MUC17: variants seen among roughly 807,000 people sequenced by gnomAD.
MUC17 encodes mucin 17, cell surface associated.
In MUC17, 190 loss-of-function variants were observed where a neutral mutation model predicts 170.3. The ratio of observed to expected loss-of-function variants is 1.12; its 90% CI spans 0.99 to 1.26. The LOEUF (loss-of-function observed/expected upper bound fraction) is 1.26. Ranked by LOEUF, MUC17 falls within the 50% of genes most tolerant of loss-of-function variation. The pLI is 0.00. For synonymous variants in MUC17, 2,325 were observed against 2,002.5 expected, an observed-to-expected ratio of 1.16 and a Z score of -4.30; for missense variants, 6,415 against 5,530.0, an observed-to-expected ratio of 1.16 and a Z score of -5.08.
chr7:101,036,333 C>T lies in MUC17; in HGVS notation c.4917C>T (p.Ser1639=). 6.2e-7 allele frequency: 1 copy of T among 1,613,976 alleles called. No homozygotes were observed. Among genetic ancestry groups the T allele is most frequent in the African/African-American group, 1.3e-5 (1 of 75,010 alleles). Residue 1639 remains serine, a synonymous_variant, in exon 3 of 13, where the codon AGC becomes AGT. Transcript: ENST00000306151. ...CTCTATTAACAAGTATACCTGTCAGCACCACGCCGGTGGCCAGTCCTGAGG... is the reference window on the plus strand; with the variant it reads ...CTCTATTAACAAGTATACCTGTCAGTACCACGCCGGTGGCCAGTCCTGAGG... The part of the protein sequence containing the change: ...GSPLLTSIPV[S]TTPVASPEAS...
rs150107183 is a variant in MUC17, at chr7:101,040,586, C to T, written c.9170C>T (p.Pro3057Leu). 6.0e-5 allele frequency: 96 copies of T among 1,612,262 alleles called. No homozygotes were observed. The African/African-American group carries it at 1.2e-3, about 20-fold the overall frequency. The change falls in exon 3 of 13, where the codon CCA (proline) becomes CTA (leucine). Residue 3057 changes from proline to leucine, a missense_variant. By Grantham distance (98) the Pro-to-Leu change is moderately conservative (BLOSUM62 -3). Coordinates refer to ENST00000306151, the MANE Select transcript of MUC17 (RefSeq NM_001040105.2). ...PLTSIPVSTT[P>L]VAIPEASTLS... ...ACAAGTATACCTGTCAGCACCACGCCAGTGGCCATTCCTGAGGCTAGCACC... is the reference window on the plus strand; with the variant it reads ...ACAAGTATACCTGTCAGCACCACGCTAGTGGCCATTCCTGAGGCTAGCACC...
At position 101,037,846 on chromosome 7, in the gene MUC17, A is replaced by G. The variant is rs779358189; in HGVS notation, c.6430A>G (p.Ile2144Val). 3.1e-6 allele frequency: 5 copies of G among 1,613,778 alleles called. No homozygotes were observed. The highest frequency in any genetic ancestry group is 4.2e-6 in the Non-Finnish European group (5 of 1,179,890). ...ITSTEVSSSP[I>V]PTEGTSMQTS... ...TTCTACTGAAGTCAGTTCATCTCCT[A>G]TACCTACTGAAGGTACCAGCATGCA... is the stretch of plus-strand genomic sequence containing the variant. Residue 2144 changes from isoleucine to valine, a missense_variant, in exon 3 of 13, where the codon ATA (isoleucine) becomes GTA (valine). Physicochemically the swap from Ile to Val is conservative, Grantham distance 29. Transcript: ENST00000306151.
rs1479989969 is a variant in MUC17, at chr7:101,038,342, C to T, written c.6926C>T (p.Pro2309Leu). ...ACAACTCCTGTTGACTCCAACACTC[C>T]TTTCACTACTTCTACTGAAGCCAGT... ...LSTTPVDSNT[P>L]FTTSTEASSP... The change falls in exon 3 of 13, where the codon CCT becomes CTT. Residue 2309 changes from proline to leucine, a missense_variant. By Grantham distance (98) the Pro-to-Leu change is moderately conservative (BLOSUM62 -3). Transcript: ENST00000306151. 9 of 1,613,738 alleles carry T rather than the reference C, an allele frequency of 5.6e-6. No homozygotes were observed. The highest frequency in any genetic ancestry group is 7.6e-6 in the Non-Finnish European group (9 of 1,179,918).
intron 5 of MUC17, 118 bp downstream of exon 5, chr7:101,049,090 C>A: frequency 6.7e-7 from 1 of 1,500,426 alleles, no homozygotes; most frequent in Non-Finnish European, 9.1e-7. Flanking sequence ...TCTCTCAGGC[C>A]CCCACGTCCT....
chr7:101,055,476 G>T (rs1260231974), intron 11 of MUC17, among the ~76,000 whole-genome samples: 1 of 152,200 alleles, frequency 6.6e-6, no homozygotes, highest in East Asian at 1.9e-4. Context: ...TACTCTGTTA[G>T]ACACAAGTTT....
Position 101,036,803 on chromosome 7 carries a change from C to G in MUC17, c.5387C>G (p.Thr1796Ser), listed in dbSNP as rs145455751. Reference protein sequence around the residue: ...ATSSPTTAEGTSIPTSTLSEG... With the variant: ...ATSSPTTAEGSSIPTSTLSEG... ...TCGTCTCCTACAACTGCTGAAGGTA[C>G]CAGCATACCAACCTCGACTCTTAGT... is the stretch of plus-strand genomic sequence containing the variant. The change falls in exon 3 of 13, where the codon ACC becomes AGC. Residue 1796 changes from threonine to serine, a missense_variant. Thr to Ser is a moderately conservative substitution (Grantham distance 58, BLOSUM62 1). Coordinates refer to ENST00000306151, the MANE Select transcript of MUC17 (RefSeq NM_001040105.2). 1 of 1,605,538 alleles carries G rather than the reference C, an allele frequency of 6.2e-7. No individual in the cohort carries two copies. Among genetic ancestry groups the G allele is most frequent in the South Asian group, 1.1e-5 (1 of 89,702 alleles).
At chr7:101,047,541 G>A (rs1276477574) in intron 3 of MUC17, among the ~76,000 whole-genome samples, 3 of 152,044 alleles carry the variant, frequency 2.0e-5, no homozygotes, top group African/African-American at 7.2e-5. Context: ...ATATTAGGCA[G>A]TGTCGGAGCC....
rs780123615 is a variant in MUC17 at position 101,041,446 on chromosome 7, AAT to A, written c.10033_10034del (p.Met3345ValfsTer11). 23 of 1,613,750 alleles carry A rather than the reference AAT, an allele frequency of 1.4e-5. No homozygotes were observed. The South Asian group carries it at 2.5e-4, about 18-fold the overall frequency. ...TAGTGAAGGAAGCACTCCACTAACA[AAT>A]ATGTCTTTCAGCACCACGCCAGTGG... ...TYSEGSTPLT[N>X]MSFSTTPVVS... On this transcript the variant is annotated frameshift_variant, in exon 3 of 13. Coordinates refer to ENST00000306151, the MANE Select transcript of MUC17 (RefSeq NM_001040105.2). LOFTEE classifies it high-confidence loss of function.
chr7:101,027,102 G>A (rs992993236), intron 1 of MUC17, among the ~76,000 whole-genome samples: 3 of 152,108 alleles, frequency 2.0e-5, no homozygotes, highest in Non-Finnish European at 4.4e-5. Flanking sequence ...GCCGAGGCTG[G>A]AGGATCACTT....
chr7:101,023,104 G>A (rs28521031), intron 1 of MUC17, among the ~76,000 whole-genome samples: 2,217 of 152,210 alleles, frequency 0.015, 46 homozygotes, highest in African/African-American at 0.049. Flanking sequence ...TCCTGGTTGC[G>A]GGTGGTTGGT....
At chr7:101,029,230 T>A (rs1456958249) in intron 1 of MUC17, among the ~76,000 whole-genome samples, 1 of 145,454 alleles carries the variant, frequency 6.9e-6, no homozygotes, top group African/African-American at 2.5e-5. Flanking sequence ...GTGGCAGGTG[T>A]CTGTAATCCC....
chr7:101,030,993 A>G, intron 1 of MUC17, 127 bp from the exon 2 acceptor site: 3 of 1,190,126 alleles, frequency 2.5e-6, no homozygotes, highest in Non-Finnish European at 3.4e-6. Flanking sequence ...GCTGATTTCT[A>G]ACTAAAATCA....
In MUC17 at chr7:101,039,778, G is replaced by C; in HGVS notation, c.8362G>C (p.Ala2788Pro). The C allele has an allele frequency of 6.2e-7, 1 of 1,608,782 alleles. No homozygotes were observed. Among genetic ancestry groups the C allele is most frequent in the Non-Finnish European group, 8.5e-7 (1 of 1,176,942 alleles). Residue 2788 changes from alanine to proline, a missense_variant, in exon 3 of 13, where the codon GCC becomes CCC. Transcript: ENST00000306151. ...CATACCTGTCACCACTTCTACTGAA[G>C]CCAGTTCCTCTCCTACAACTGCTGA... ...TSIPVTTSTE[A>P]SSSPTTAEVT...
At position 101,031,677 on chromosome 7, in the gene MUC17, C is replaced by G. The variant is rs748372680; in HGVS notation, c.261C>G (p.Thr87=). 6.3e-7 allele frequency: 1 copy of G among 1,593,670 alleles called. No homozygotes were observed. The highest frequency in any genetic ancestry group is 8.6e-7 in the Non-Finnish European group (1 of 1,168,896). ...VEPRMYLSCS[T]NPEMTSIESS... ...CAAGAATGTATTTGAGTTGCAGCAC[C>G]AACCCTGAGATGACCTCGATTGAGT... The change falls in exon 3 of 13, where the codon ACC becomes ACG. Residue 87 remains threonine (T), a synonymous_variant. Coordinates refer to ENST00000306151, the MANE Select transcript of MUC17 (RefSeq NM_001040105.2).
chr7:101,035,489 C>T lies in MUC17; in HGVS notation c.4073C>T (p.Ser1358Leu). Residue 1358 changes from serine (S) to leucine (L), a missense_variant, in exon 3 of 13, where the codon TCA (serine) becomes TTA (leucine). Ser to Leu is a moderately radical substitution (Grantham distance 145). Transcript: ENST00000306151. The part of the protein sequence containing the change: ...LVASSAISIL[S>L]TTPVDNSTPV... ...GCCAGTTCTGCAATCAGCATCCTTT[C>T]AACAACTCCTGTTGACAACAGCACA... 6.2e-7 allele frequency: 1 copy of T among 1,602,342 alleles called. No individual in the cohort carries two copies. The highest frequency in any genetic ancestry group is 8.5e-7 in the Non-Finnish European group (1 of 1,172,588).
In MUC17 at chr7:101,032,662, A is replaced by G. The variant is rs1794324140; in HGVS notation, c.1246A>G (p.Ile416Val). ...TTCTGAGGCTAGCACCACTTCAACA[A>G]TTCCTGTTGACTCCAAAACTTTTGT... Reference protein sequence around the residue: ...ASSEASTTSTIPVDSKTFVTT... With the variant: ...ASSEASTTSTVPVDSKTFVTT... The change falls in exon 3 of 13, where the codon ATT (isoleucine) becomes GTT (valine). Residue 416 changes from isoleucine (I) to valine (V), a missense_variant. Transcript: ENST00000306151. The G allele has an allele frequency of 6.4e-7, 1 of 1,573,744 alleles. No individual in the cohort carries two copies. Among genetic ancestry groups the G allele is most frequent in the Admixed American group, 1.7e-5 (1 of 57,564 alleles).
Position 101,033,479 on chromosome 7 carries a change from C to G in MUC17, c.2063C>G (p.Thr688Ser), listed in dbSNP as rs1337119504. 1.2e-6 allele frequency: 2 copies of G among 1,613,804 alleles called. No individual in the cohort carries two copies. The highest frequency in any genetic ancestry group is 1.7e-6 in the Non-Finnish European group (2 of 1,179,888). The change falls in exon 3 of 13, where the codon ACT becomes AGT. Residue 688 changes from threonine (T) to serine (S), a missense_variant. Transcript: ENST00000306151. ...MPTSTYTEGSTPLTSMPVNTT... is the reference protein window; with the variant it reads ...MPTSTYTEGSSPLTSMPVNTT... Reference sequence around the variant, plus strand: ...ACCTCAACTTATACTGAAGGAAGCACTCCATTAACAAGTATGCCTGTCAAC... The same window carrying G: ...ACCTCAACTTATACTGAAGGAAGCAGTCCATTAACAAGTATGCCTGTCAAC...
chr7:101,048,917 T>TA lies in MUC17; in HGVS notation c.12614dup (p.Asn4205LysfsTer27), dbSNP rs1325027411. ...ACCAGTGTGAAGTTCACCGAAGAGC[T>TA]AAAAAACCACTCTTCCCAGGAATTC... On this transcript the variant is annotated frameshift_variant, in exon 5 of 13. Coordinates refer to ENST00000306151, the MANE Select transcript of MUC17 (RefSeq NM_001040105.2). LOFTEE classifies it high-confidence loss of function. 4.3e-6 allele frequency: 7 copies of TA among 1,613,878 alleles called. No individual in the cohort carries two copies. The highest frequency in any genetic ancestry group is 1.1e-5 in the South Asian group (1 of 91,056).
intron 6 of MUC17, 65 bp from the exon 7 acceptor site, chr7:101,050,419 C>T: frequency 6.4e-7 from 1 of 1,561,594 alleles, no homozygotes; most frequent in Non-Finnish European, 8.7e-7. Context: ...TGAAGCTTGC[C>T]TGGTACAGAT....
Sources: allele counts gnomAD v4.1 joint callset (sites outside exome capture counted in the v4.1 genomes callset), GRCh38; gene constraint gnomAD v4.1.1; transcripts MANE v1.5; gene names NCBI Gene and HGNC (gene_info 2026-07-23, HGNC 2026-07-21).